DOCK7: variants seen among roughly 807,000 people sequenced by gnomAD.
DOCK7 encodes the protein dedicator of cytokinesis protein 7.
In DOCK7, 138 loss-of-function variants were observed where a neutral mutation model predicts 271.0. The ratio of observed to expected loss-of-function variants is 0.51; its 90% CI spans 0.44 to 0.59. DOCK7 has a LOEUF of 0.59. DOCK7 is among the 20% of genes least tolerant of loss of function. DOCK7 has a pLI of 0.00. For missense variants in DOCK7, 2,066 were observed against 2,592.4 expected (o/e 0.80, Z 4.41); for synonymous variants, 823 against 876.1 (o/e 0.94, Z 1.07).
intron 31 of DOCK7, among the ~76,000 whole-genome samples, chr1:62,524,394 T>C (rs1644939215): frequency 6.6e-6 from 1 of 152,114 alleles, no homozygotes; most frequent in Non-Finnish European, 1.5e-5. Context: ...AAAGTATATA[T>C]ATGCATGCAG....
At chr1:62,583,504 G>A (rs1647201976) in intron 15 of DOCK7, among the ~76,000 whole-genome samples, 1 of 152,072 alleles carries the variant, frequency 6.6e-6, no homozygotes, top group South Asian at 2.1e-4. Flanking sequence ...TATCTACTGG[G>A]AAATTAGATA....
At chr1:62,502,646 TA>T (rs1460349805) in intron 37 of DOCK7, among the ~76,000 whole-genome samples, 1 of 152,156 alleles carries the variant, frequency 6.6e-6, no homozygotes, top group Non-Finnish European at 1.5e-5. Context: ...GGGTATTACA[TA>T]ACTATAAAGG....
chr1:62,688,051 C>G (rs929839205), intron 1 of DOCK7, among the ~76,000 whole-genome samples, 176 bp downstream of exon 1: 3 of 151,576 alleles, frequency 2.0e-5, no homozygotes, highest in African/African-American at 7.3e-5. Flanking sequence ...GAGGGCGGCG[C>G]GAGGCCTCCG....
intron 49 of DOCK7, 56 bp from the exon 50 acceptor site, chr1:62,455,512 C>A: frequency 6.7e-7 from 1 of 1,498,970 alleles, no homozygotes; most frequent in South Asian, 1.1e-5. Context: ...TTGCATATAC[C>A]TTTAAATGTC....
At chr1:62,577,470 C>A in intron 17 of DOCK7, 107 bp from the exon 18 acceptor site, 1 of 582,764 alleles carries the variant, frequency 1.7e-6, no homozygotes. Flanking sequence ...CCCATATCAT[C>A]AAACATTAAG....
At chr1:62,552,606 G>A (rs1387565842) in intron 22 of DOCK7, 126 bp downstream of exon 22, 2 of 929,068 alleles carry the variant, frequency 2.2e-6, no homozygotes, top group Non-Finnish European at 3.1e-6. Flanking sequence ...GAACAGAAAT[G>A]TACAATTCCT....
At chr1:62,568,855 AAAG>A (rs1646630844) in intron 18 of DOCK7, among the ~76,000 whole-genome samples, 1 of 151,822 alleles carries the variant, frequency 6.6e-6, no homozygotes, top group East Asian at 1.9e-4. Context: ...CTAGATTAAT[AAAG>A]AAGGAAAAAG....
At chr1:62,505,885 C>A in intron 35 of DOCK7, 69 bp from the exon 36 acceptor site, 1 of 1,467,486 alleles carries the variant, frequency 6.8e-7, no homozygotes, top group Non-Finnish European at 9.2e-7. Context: ...TTACAGGCCT[C>A]CCTATGTATA....
chr1:62,632,962 GCA>G (rs1654807211), intron 10 of DOCK7, among the ~76,000 whole-genome samples: 1 of 151,702 alleles, frequency 6.6e-6, no homozygotes, highest in African/African-American at 2.4e-5. Flanking sequence ...GGGTGACAGA[GCA>G]AGACTATGTC....
chr1:62,495,547 T>C lies in DOCK7; in HGVS notation c.5024+34A>G, dbSNP rs564596671. On this transcript the variant is annotated intron_variant, in intron 39 of 49. Transcript: ENST00000635253. ...TTACTGTATGTCTTACTAAGTCCCT[T>C]ATACAAAGCATAAATGAATCAAATA... is the stretch of plus-strand genomic sequence containing the variant. The C allele has an allele frequency of 1.8e-4, 257 of 1,442,500 alleles. 6 individuals carry two copies. The South Asian group carries it at 3.5e-3, about 20-fold the overall frequency. 89.4% of individuals were successfully genotyped at this position (1,442,500 alleles called of 1,614,324 possible). A position where few individuals can be genotyped will look rare whatever the true frequency, so the allele number is the denominator to read the frequency against.
intron 14 of DOCK7, among the ~76,000 whole-genome samples, chr1:62,589,476 T>C (rs950154057): frequency 6.6e-6 from 1 of 152,162 alleles, no homozygotes; most frequent in Non-Finnish European, 1.5e-5. Flanking sequence ...TCTTATTTTT[T>C]TTTCCCCCGA....
At chr1:62,668,579 A>G (rs1659575949) in intron 1 of DOCK7, among the ~76,000 whole-genome samples, 1 of 152,202 alleles carries the variant, frequency 6.6e-6, no homozygotes, top group South Asian at 2.1e-4. Flanking sequence ...TGCAAATGAT[A>G]TTTGTAATTT....
intron 18 of DOCK7, among the ~76,000 whole-genome samples, chr1:62,569,715 C>G (rs533789231): frequency 7.9e-6 from 1 of 127,352 alleles, no homozygotes; most frequent in African/African-American, 2.9e-5. Flanking sequence ...TCCCCCCTCC[C>G]CCCCCCCTTT....
chr1:62,523,665 G>T (rs1429447224), intron 31 of DOCK7, among the ~76,000 whole-genome samples: 1 of 152,132 alleles, frequency 6.6e-6, no homozygotes, highest in African/African-American at 2.4e-5. Flanking sequence ...TCAGGAGATC[G>T]AGACCATCCT....
At chr1:62,601,895 T>C (rs180801384) in intron 14 of DOCK7, 33 of 1,543,324 alleles carry the variant, frequency 2.1e-5, no homozygotes, top group Non-Finnish European at 3.0e-5. Flanking sequence ...AAAACCTGTC[T>C]AAGGAGAATA....
At chr1:62,469,371 C>T (rs1022544867) in intron 48 of DOCK7, among the ~76,000 whole-genome samples, 1 of 152,152 alleles carries the variant, frequency 6.6e-6, no homozygotes, top group African/African-American at 2.4e-5. Context: ...AAGCCATATA[C>T]AGGAGAATGA....
intron 31 of DOCK7, among the ~76,000 whole-genome samples, chr1:62,515,824 A>G (rs1012657207): frequency 6.6e-6 from 1 of 152,220 alleles, no homozygotes; most frequent in African/African-American, 2.4e-5. Context: ...TCTGCCAGAT[A>G]TCTGCAGTTA....
intron 14 of DOCK7, among the ~76,000 whole-genome samples, chr1:62,610,697 G>C (rs1651666709): frequency 6.6e-6 from 1 of 152,036 alleles, no homozygotes; most frequent in African/African-American, 2.4e-5. Context: ...CCACTTATGA[G>C]TGAGAACATG....
At chr1:62,663,505 T>C (rs1004215508) in intron 1 of DOCK7, among the ~76,000 whole-genome samples, 1 of 152,130 alleles carries the variant, frequency 6.6e-6, no homozygotes, top group African/African-American at 2.4e-5. Context: ...ACTTAAAATG[T>C]ATATTAAATT....
Sources: allele counts gnomAD v4.1 joint callset (sites outside exome capture counted in the v4.1 genomes callset), GRCh38; gene constraint gnomAD v4.1.1; transcripts MANE v1.5; gene names NCBI Gene and HGNC (gene_info 2026-07-23, HGNC 2026-07-21).